SLC35E1: variants seen among roughly 807,000 people sequenced by gnomAD.
The protein encoded by SLC35E1 is solute carrier family 35 member E1, also known as solute carrier family 35, member E1.
A neutral mutation model predicts 31.0 loss-of-function variants in SLC35E1; 12 were observed. The observed-to-expected ratio is 0.39, with a 90% CI of 0.25 to 0.63. SLC35E1 has a LOEUF of 0.63. Ranked by LOEUF, SLC35E1 falls within the 20% of genes least tolerant of loss-of-function variation. SLC35E1 has a pLI of 0.52. For synonymous variants in SLC35E1, 257 were observed against 264.1 expected, an observed-to-expected ratio of 0.97 and a Z score of 0.26; for missense variants, 429 against 572.2, an observed-to-expected ratio of 0.75 and a Z score of 2.55.
chr19:16,555,200 G>C lies in SLC35E1; in HGVS notation c.954C>G (p.Asn318Lys). The C allele has an allele frequency of 6.2e-7, 1 of 1,614,196 alleles. No individual in the cohort carries two copies. The highest frequency in any genetic ancestry group is 8.5e-7 in the Non-Finnish European group (1 of 1,180,026). Residue 318 changes from asparagine to lysine, a missense_variant, in exon 5 of 6, where the codon AAC becomes AAG. Transcript: ENST00000595753. The surrounding 1 kb of genome is among the most constrained non-coding windows in gnomAD (Gnocchi z 4.1). ...GGATGGCGGTCATCATGCCCAGGAC[G>C]TTGGTGCTGGTGACTGGGTTGCGCA... is the stretch of plus-strand genomic sequence containing the variant. ...IMLRNPVTST[N>K]VLGMMTAILG...
At chr19:16,561,522 T>G (rs994059534) in intron 4 of SLC35E1, among the ~76,000 whole-genome samples, 3 of 152,192 alleles carry the variant, frequency 2.0e-5, no homozygotes, top group Non-Finnish European at 2.9e-5. Flanking sequence ...AGCTGCTTCA[T>G]GCATTCTGTC....
At position 16,553,604 on chromosome 19, in the gene SLC35E1, A is replaced by G. The variant is rs546178132; in HGVS notation, c.*75T>C. The G allele has an allele frequency of 2.3e-6, 3 of 1,322,556 alleles. No homozygotes were observed. In the East Asian group the frequency reaches 7.5e-5, roughly 33 times the overall value. 81.9% of individuals were successfully genotyped at this position (1,322,556 alleles called of 1,614,324 possible). A position where few individuals can be genotyped will look rare whatever the true frequency, so the allele number is the denominator to read the frequency against. ...CCTCGGCTGGGTTGTACATTCACTG[A>G]TTGTCAGAAGTTTCTGATACTGCTG... On this transcript the variant is annotated 3_prime_UTR_variant, in exon 6 of 6. Transcript: ENST00000595753.
rs892253881 is a variant in SLC35E1 at position 16,565,067 on chromosome 19, C to T, written c.756+1465G>A. The T allele has an allele frequency of 1.8e-5, 8 of 453,042 alleles. No homozygotes were observed. The East Asian group carries it at 2.8e-4, about 16-fold the overall frequency. The allele number at this position is 453,042 out of a possible 1,614,324, so 28.1% of individuals were successfully genotyped here. A position where few individuals can be genotyped will look rare whatever the true frequency, so the allele number is the denominator to read the frequency against. On this transcript the variant is annotated intron_variant, in intron 4 of 5. Transcript: ENST00000595753. ...CTTTCTAACTCGAGTCTGGAAGAAT[C>T]GCACTGGCCTCCTCCTCACCGCAGG...
At chr19:16,571,881 C>A in intron 1 of SLC35E1, 63 bp downstream of exon 1, 1 of 1,481,516 alleles carries the variant, frequency 6.7e-7, no homozygotes, top group South Asian at 1.3e-5. Flanking sequence ...CACTCCTATC[C>A]ATGCGCCCAA....
chr19:16,556,815 A>C (rs966347212), intron 4 of SLC35E1: 6 of 470,040 alleles, frequency 1.3e-5, no homozygotes, highest in Non-Finnish European at 2.6e-5. Flanking sequence ...ACTGCACTCC[A>C]AGAGAGAAGG....
rs2085843079 is a variant in SLC35E1, at chr19:16,551,123, G to C, written c.*2556C>G. 1 of 152,208 alleles carries C rather than the reference G, an allele frequency of 6.6e-6. No individual in the cohort carries two copies. The highest frequency in any genetic ancestry group is 1.9e-4 in the East Asian group (1 of 5,196). 9.4% of individuals were successfully genotyped at this position (152,208 alleles called of 1,614,324 possible). ...TATCCCTGTTTCTTGTCATTCACCAGTGAGAAAAATCCAACTGCAGACTTG... is the reference window on the plus strand; with the variant it reads ...TATCCCTGTTTCTTGTCATTCACCACTGAGAAAAATCCAACTGCAGACTTG... On this transcript the variant is annotated 3_prime_UTR_variant, in exon 6 of 6. Coordinates refer to ENST00000595753, the MANE Select transcript of SLC35E1 (RefSeq NM_024881.5).
At position 16,571,929 on chromosome 19, in the gene SLC35E1, G is replaced by C; in HGVS notation, c.421+15C>G. 1.3e-6 allele frequency: 2 copies of C among 1,533,546 alleles called. No homozygotes were observed. Among genetic ancestry groups the C allele is most frequent in the South Asian group, 2.4e-5 (2 of 82,526 alleles). 95.0% of individuals were successfully genotyped at this position (1,533,546 alleles called of 1,614,324 possible). On this transcript the variant is annotated intron_variant, in intron 1 of 5. Coordinates refer to ENST00000595753, the MANE Select transcript of SLC35E1 (RefSeq NM_024881.5). ...GGGCCCGGCCGCCGCCCCCGAGGCC[G>C]GGCGCGGAACCTACCGGTGTGTGCA...
In SLC35E1 at chr19:16,572,047, G is replaced by A; in HGVS notation, c.318C>T (p.Arg106=). 3.9e-6 allele frequency: 6 copies of A among 1,540,388 alleles called. No individual in the cohort carries two copies. The highest frequency in any genetic ancestry group is 5.2e-6 in the Non-Finnish European group (6 of 1,143,088). Residue 106 remains arginine, a synonymous_variant, in exon 1 of 6, where the codon CGC becomes CGT. Transcript: ENST00000595753. This position sits in a 1 kb window ranked among gnomAD's most constrained non-coding sequence, Gnocchi z 4.1. ...HPSSGPLLPP[R]FYPRYVLPLA... is the part of the protein sequence containing the mutation. ...GCGGTAGCACGTAGCGCGGGTAGAA[G>A]CGCGGCGGCAGCAGCGGGCCGGACG... is the stretch of plus-strand genomic sequence containing the variant.
In SLC35E1 at chr19:16,555,317, G is replaced by C. The variant is rs2085870215; in HGVS notation, c.837C>G (p.Ala279=). 6.2e-7 allele frequency: 1 copy of C among 1,614,158 alleles called. No individual in the cohort carries two copies. The highest frequency in any genetic ancestry group is 8.5e-7 in the Non-Finnish European group (1 of 1,180,022). ...GGCTAACGAGGTTGAGGATGCTGAA[G>C]GCGATAACATTCTGGGCAAAGTTAC... ...GFCNFAQNVI[A]FSILNLVSPL... is the part of the protein sequence containing the mutation. Residue 279 remains alanine, a synonymous_variant, in exon 5 of 6, where the codon GCC becomes GCG. Coordinates refer to ENST00000595753, the MANE Select transcript of SLC35E1 (RefSeq NM_024881.5). This position sits in a 1 kb window ranked among gnomAD's most constrained non-coding sequence, Gnocchi z 4.1.
chr19:16,572,038 C>G lies in SLC35E1; in HGVS notation c.327G>C (p.Pro109=). Residue 109 remains proline, a synonymous_variant, in exon 1 of 6, where the codon CCG becomes CCC. Transcript: ENST00000595753. The surrounding 1 kb of genome is among the most constrained non-coding windows in gnomAD (Gnocchi z 4.1). ...SGPLLPPRFY[P]RYVLPLAFGK... ...CGAAGGCGAGCGGTAGCACGTAGCGCGGGTAGAAGCGCGGCGGCAGCAGCG... is the reference window on the plus strand; with the variant it reads ...CGAAGGCGAGCGGTAGCACGTAGCGGGGGTAGAAGCGCGGCGGCAGCAGCG... 1.3e-6 allele frequency: 2 copies of G among 1,541,100 alleles called. No individual in the cohort carries two copies. Among genetic ancestry groups the G allele is most frequent in the Admixed American group, 2.0e-5 (1 of 50,394 alleles).
intron 4 of SLC35E1, among the ~76,000 whole-genome samples, chr19:16,559,929 A>G (rs890908028): frequency 6.6e-6 from 1 of 152,180 alleles, no homozygotes; most frequent in East Asian, 1.9e-4. Context: ...TTTAAATCCT[A>G]TGAAGAATGT....
At position 16,572,289 on chromosome 19, in the gene SLC35E1, C is replaced by G. The variant is rs989936448; in HGVS notation, c.76G>C (p.Glu26Gln). ...CACAGCGCCGCCACCCGCGCGCCCT[C>G]GCGCGCCCCACCACTGCTGCTCGCT... ...GAASSSGGAREGARVAALCLL... is the reference protein window; with the variant it reads ...GAASSSGGARQGARVAALCLL... The change falls in exon 1 of 6, where the codon GAG becomes CAG. Residue 26 changes from glutamate (E) to glutamine (Q), a missense_variant. Transcript: ENST00000595753. This position sits in a 1 kb window ranked among gnomAD's most constrained non-coding sequence, Gnocchi z 4.1. 1.3e-6 allele frequency: 2 copies of G among 1,491,168 alleles called. No homozygotes were observed. The highest frequency in any genetic ancestry group is 8.9e-7 in the Non-Finnish European group (1 of 1,118,738). The allele number at this position is 1,491,168 out of a possible 1,614,324, so 92.4% of individuals were successfully genotyped here. A position where few individuals can be genotyped will look rare whatever the true frequency, so the allele number is the denominator to read the frequency against.
chr19:16,569,000 T>A (rs1305530897), intron 2 of SLC35E1, among the ~76,000 whole-genome samples: 1 of 150,548 alleles, frequency 6.6e-6, no homozygotes, highest in Non-Finnish European at 1.5e-5. Flanking sequence ...CTGCCTGGAC[T>A]TCCCCAGCAG....
chr19:16,556,442 A>G (rs1007502041), intron 4 of SLC35E1, among the ~76,000 whole-genome samples: 4 of 152,034 alleles, frequency 2.6e-5, no homozygotes, highest in Non-Finnish European at 4.4e-5. Context: ...CTAGGAGTTC[A>G]AGGCTACAGT....
Position 16,553,472 on chromosome 19 carries a change from G to C in SLC35E1, c.*207C>G. On this transcript the variant is annotated 3_prime_UTR_variant, in exon 6 of 6. Transcript: ENST00000595753. ...AGCATGAGACACTGGTCTCTGTTTA[G>C]GTTTGCCCAGAGCTCACGGCCGTCT... is the stretch of plus-strand genomic sequence containing the variant. 1 of 406,454 alleles carries C rather than the reference G, an allele frequency of 2.5e-6. No homozygotes were observed. The highest frequency in any genetic ancestry group is 4.4e-6 in the Non-Finnish European group (1 of 229,104). The allele number at this position is 406,454 out of a possible 1,614,324, so 25.2% of individuals were successfully genotyped here.
In SLC35E1 at chr19:16,568,089, G is replaced by A. The variant is rs778181749; in HGVS notation, c.573C>T (p.Leu191=). The part of the protein sequence containing the change: ...VTELSFDMWG[L]VSALAATLCF... ...ACAGCGTGGCGGCGAGGGCGCTGACGAGTCCCCACATGTCAAAAGACAACT... is the reference window on the plus strand; with the variant it reads ...ACAGCGTGGCGGCGAGGGCGCTGACAAGTCCCCACATGTCAAAAGACAACT... Residue 191 remains leucine (L), a synonymous_variant, in exon 3 of 6, where the codon CTC becomes CTT. Coordinates refer to ENST00000595753, the MANE Select transcript of SLC35E1 (RefSeq NM_024881.5). 6.8e-6 allele frequency: 11 copies of A among 1,613,636 alleles called. No individual in the cohort carries two copies. The African/African-American group carries it at 8.0e-5, about 12-fold the overall frequency.
At chr19:16,570,316 GTC>G (rs2085951170) in intron 2 of SLC35E1, among the ~76,000 whole-genome samples, 1 of 152,098 alleles carries the variant, frequency 6.6e-6, no homozygotes, top group Admixed American at 6.5e-5. Context: ...GCACACACAG[GTC>G]TTGCTGAGAC....
At chr19:16,563,474 G>A (rs141665579) in intron 4 of SLC35E1, among the ~76,000 whole-genome samples, 1 of 152,218 alleles carries the variant, frequency 6.6e-6, no homozygotes, top group African/African-American at 2.4e-5. Context: ...CCATGGTCAG[G>A]GAGGGGACAG....
intron 4 of SLC35E1, among the ~76,000 whole-genome samples, chr19:16,560,787 G>C (rs1467478640): frequency 2.0e-5 from 3 of 149,186 alleles, no homozygotes; most frequent in African/African-American, 7.5e-5. Context: ...ACTTGAACCT[G>C]GGAGGTGGAG....
Sources: gnomAD v4.1 joint callset for allele counts (sites outside exome capture counted in the v4.1 genomes callset) on GRCh38, gnomAD v4.1.1 for gene constraint, Gnocchi (gnomAD v3.1) non-coding constraint, MANE v1.5 for transcripts, NCBI Gene and HGNC (gene_info 2026-07-23, HGNC 2026-07-21) for gene names.